ANAPC10: variants seen among roughly 807,000 people sequenced by gnomAD.
ANAPC10 encodes anaphase-promoting complex subunit 10.
In ANAPC10, 12 loss-of-function variants were observed where a neutral mutation model predicts 22.0. That is an observed-to-expected ratio of 0.55 (90% confidence interval 0.35 to 0.88). The LOEUF is 0.88. Ranked by LOEUF, ANAPC10 falls within the 40% of genes least tolerant of loss-of-function variation. ANAPC10 has a pLI of 0.01. For synonymous variants in ANAPC10, 65 were observed against 69.5 expected (o/e 0.94, Z 0.32); for missense variants, 188 against 220.9 (o/e 0.85, Z 0.94).
chr4:145,012,862 C>T (rs898399331), intron 4 of ANAPC10, among the ~76,000 whole-genome samples: 3 of 152,138 alleles, frequency 2.0e-5, no homozygotes, highest in African/African-American at 7.2e-5. Context: ...AAATTGTAAT[C>T]CCCAATGATG....
intron 4 of ANAPC10, among the ~76,000 whole-genome samples, chr4:145,056,728 G>A (rs1742125830): frequency 6.6e-6 from 1 of 152,130 alleles, no homozygotes. Flanking sequence ...CAGACACTAT[G>A]CTAGGCTCTC....
intron 4 of ANAPC10, among the ~76,000 whole-genome samples, chr4:145,028,886 C>T (rs750182221): frequency 5.3e-5 from 8 of 152,172 alleles, no homozygotes; most frequent in Non-Finnish European, 1.2e-4. Flanking sequence ...GGGATTCTAA[C>T]TCCTGGCTTC....
chr4:145,006,386 T>C (rs1560811045), intron 4 of ANAPC10, among the ~76,000 whole-genome samples: 2 of 152,046 alleles, frequency 1.3e-5, no homozygotes, highest in East Asian at 1.9e-4. Context: ...ATGGGTATCA[T>C]TGCATGAGAT....
At chr4:145,007,037 C>T (rs1416256525) in intron 4 of ANAPC10, among the ~76,000 whole-genome samples, 5 of 151,956 alleles carry the variant, frequency 3.3e-5, no homozygotes, top group Non-Finnish European at 5.9e-5. Context: ...CTGGGAGGCG[C>T]GGGTCCCAAG....
At chr4:145,050,267 T>C (rs541524383) in intron 4 of ANAPC10, among the ~76,000 whole-genome samples, 2 of 152,366 alleles carry the variant, frequency 1.3e-5, no homozygotes, top group Admixed American at 6.5e-5. Context: ...GCATAGTGTT[T>C]TGAAATAAAT....
intron 4 of ANAPC10, among the ~76,000 whole-genome samples, chr4:145,047,677 A>G (rs868160326): frequency 6.6e-6 from 1 of 152,166 alleles, no homozygotes; most frequent in Non-Finnish European, 1.5e-5. Flanking sequence ...TTCATTCACA[A>G]TAAGTTTCTT....
At chr4:145,063,363 T>A (rs2126458994) in intron 4 of ANAPC10, among the ~76,000 whole-genome samples, 1 of 152,322 alleles carries the variant, frequency 6.6e-6, no homozygotes, top group Non-Finnish European at 1.5e-5. Flanking sequence ...CACCTGTTCT[T>A]ATTTGTCAAT....
intron 4 of ANAPC10, among the ~76,000 whole-genome samples, chr4:145,061,068 G>A (rs1345689642): frequency 6.6e-6 from 1 of 152,034 alleles, no homozygotes; most frequent in Non-Finnish European, 1.5e-5. Context: ...TGTTCATTAA[G>A]TTTTCCAGGA....
intron 4 of ANAPC10, among the ~76,000 whole-genome samples, chr4:145,009,027 T>C (rs915158411): frequency 2.0e-5 from 3 of 152,038 alleles, no homozygotes; most frequent in Non-Finnish European, 4.4e-5. Flanking sequence ...AAATCACAAG[T>C]ATTCCTATAC....
intron 4 of ANAPC10, among the ~76,000 whole-genome samples, chr4:145,052,500 T>C (rs1029580937): frequency 2.0e-5 from 3 of 152,208 alleles, no homozygotes; most frequent in East Asian, 1.9e-4. Flanking sequence ...AAAATAGATA[T>C]ACTAATACAA....
At chr4:145,092,985 C>CA (rs984286283) in intron 2 of ANAPC10, among the ~76,000 whole-genome samples, 1 of 152,160 alleles carries the variant, frequency 6.6e-6, no homozygotes, top group Non-Finnish European at 1.5e-5. Context: ...TCATGAACAG[C>CA]AGGGGCCAAA....
At chr4:145,093,907 T>C (rs1033376698) in intron 2 of ANAPC10, among the ~76,000 whole-genome samples, 4 of 152,126 alleles carry the variant, frequency 2.6e-5, no homozygotes, top group African/African-American at 9.7e-5. Flanking sequence ...AGAGAAGCAA[T>C]AGGGCAAAAG....
At chr4:145,025,309 T>C (rs1736494280) in intron 4 of ANAPC10, among the ~76,000 whole-genome samples, 1 of 150,220 alleles carries the variant, frequency 6.7e-6, no homozygotes, top group African/African-American at 2.5e-5. Flanking sequence ...GGTTAGCTTT[T>C]GGCCTATTTT....
chr4:145,089,105 TC>T (rs1747302719), intron 2 of ANAPC10, among the ~76,000 whole-genome samples: 1 of 152,148 alleles, frequency 6.6e-6, no homozygotes, highest in Admixed American at 6.6e-5. Context: ...TAATGTAGCC[TC>T]CCACTTAAAG....
At chr4:145,015,262 G>C (rs1017297570) in intron 4 of ANAPC10, among the ~76,000 whole-genome samples, 2 of 151,890 alleles carry the variant, frequency 1.3e-5, no homozygotes, top group Non-Finnish European at 2.9e-5. Flanking sequence ...ACTTCAGGAC[G>C]CATTGGATAT....
At chr4:145,055,748 G>A (rs1302327968) in intron 4 of ANAPC10, among the ~76,000 whole-genome samples, 1 of 152,008 alleles carries the variant, frequency 6.6e-6, no homozygotes, top group Non-Finnish European at 1.5e-5. Flanking sequence ...GCTCACCAGG[G>A]CCTGGAGAAG....
At chr4:145,029,518 G>A (rs973295406) in intron 4 of ANAPC10, among the ~76,000 whole-genome samples, 6 of 152,158 alleles carry the variant, frequency 3.9e-5, no homozygotes, top group African/African-American at 1.4e-4. Flanking sequence ...ACAAGCATGG[G>A]AATGGATATT....
chr4:145,042,926 A>C (rs1384931781), intron 4 of ANAPC10, among the ~76,000 whole-genome samples: 3 of 152,160 alleles, frequency 2.0e-5, no homozygotes, highest in Non-Finnish European at 4.4e-5. Context: ...CTAAAAAAAA[A>C]ACAAAATAAA....
intron 4 of ANAPC10, among the ~76,000 whole-genome samples, chr4:145,062,816 A>G (rs74913008): frequency 4.3e-4 from 66 of 152,300 alleles, no homozygotes; most frequent in African/African-American, 1.4e-3. Context: ...TATATACCCA[A>G]TGGAATATTA....
Sources: gnomAD v4.1 joint callset for allele counts (sites outside exome capture counted in the v4.1 genomes callset) on GRCh38, gnomAD v4.1.1 for gene constraint, MANE v1.5 for transcripts, NCBI Gene and HGNC (gene_info 2026-07-23, HGNC 2026-07-21) for gene names.